The following ANKS1A variants were observed in gnomAD, a reference collection of about 807,000 sequenced individuals.
ANKS1A encodes the protein ankyrin repeat and SAM domain-containing protein 1A.
In ANKS1A, 55 loss-of-function variants were observed where a neutral mutation model predicts 120.3. The ratio of observed to expected loss-of-function variants is 0.46; its 90% CI spans 0.37 to 0.57. The LOEUF is 0.57. ANKS1A is among the 20% of genes least tolerant of loss of function. ANKS1A has a pLI of 0.00. For missense variants in ANKS1A, 1,123 were observed against 1,480.3 expected, an observed-to-expected ratio of 0.76 and a Z score of 3.96; for synonymous variants, 590 against 604.7, an observed-to-expected ratio of 0.98 and a Z score of 0.36.
intron 1 of ANKS1A, among the ~76,000 whole-genome samples, chr6:34,927,791 T>C (rs1237064621): frequency 1.3e-5 from 2 of 152,180 alleles, no homozygotes; most frequent in Admixed American, 1.3e-4. Context: ...AATGGCTGTG[T>C]AAAAAACTGG....
intron 12 of ANKS1A, among the ~76,000 whole-genome samples, chr6:35,056,748 T>C (rs981967749): frequency 6.6e-6 from 1 of 152,116 alleles, no homozygotes; most frequent in Admixed American, 6.5e-5. Flanking sequence ...AACAGGCACA[T>C]GTGGGGGACC....
chr6:34,956,153 T>C (rs1561869774), intron 1 of ANKS1A, among the ~76,000 whole-genome samples: 1 of 151,700 alleles, frequency 6.6e-6, no homozygotes, highest in Non-Finnish European at 1.5e-5. Context: ...TATTCTACTT[T>C]ATCTTCTGGA....
Position 35,086,816 on chromosome 6 carries a change from C to T in ANKS1A, c.3304-136C>T, listed in dbSNP as rs981319992. On this transcript the variant is annotated intron_variant, in intron 22 of 23. Coordinates refer to ENST00000360359, the MANE Select transcript of ANKS1A (RefSeq NM_015245.3). The surrounding 1 kb of genome is among the most constrained non-coding windows in gnomAD (Gnocchi z 5.1). The stretch of plus-strand genomic sequence containing the variant: ...TCCTCCGCCTGCCCCCAGGGGCCTG[C>T]TCTTTGGCCGAGGAGAATAAGGGCT... 1.1e-6 allele frequency: 1 copy of T among 881,306 alleles called. No individual in the cohort carries two copies. Among genetic ancestry groups the T allele is most frequent in the Non-Finnish European group, 1.8e-6 (1 of 545,114 alleles). The allele number at this position is 881,306 out of a possible 1,614,324, so 54.6% of individuals were successfully genotyped here. A position where few individuals can be genotyped will look rare whatever the true frequency, so the allele number is the denominator to read the frequency against.
intron 1 of ANKS1A, among the ~76,000 whole-genome samples, chr6:34,962,511 G>A (rs1770689850): frequency 6.6e-6 from 1 of 152,168 alleles, no homozygotes; most frequent in African/African-American, 2.4e-5. Flanking sequence ...CTCTTGGCCA[G>A]GCGCTGTGGC....
chr6:34,973,435 A>G (rs1771284400), intron 3 of ANKS1A, among the ~76,000 whole-genome samples: 1 of 152,138 alleles, frequency 6.6e-6, no homozygotes, highest in Admixed American at 6.5e-5. Flanking sequence ...TGAGCAGCAG[A>G]GCTTGTTCAT....
At chr6:35,091,574 A>AAAC (rs1228599436), downstream of ANKS1A, among the ~76,000 whole-genome samples, 1 of 149,056 alleles carries the variant, frequency 6.7e-6, no homozygotes, top group East Asian at 1.9e-4. Context: ...ACTCTCTAAC[A>AAAC]AACAGTTAGT....
At chr6:34,965,262 A>G (rs1266618380) in intron 1 of ANKS1A, among the ~76,000 whole-genome samples, 1 of 152,170 alleles carries the variant, frequency 6.6e-6, no homozygotes, top group Non-Finnish European at 1.5e-5. Context: ...CTTATTACAT[A>G]GCAATGTAAC....
At chr6:35,040,473 G>C (rs550602748) in intron 11 of ANKS1A, among the ~76,000 whole-genome samples, 9 of 152,268 alleles carry the variant, frequency 5.9e-5, no homozygotes, top group Non-Finnish European at 1.2e-4. Flanking sequence ...ACTTCTGGGG[G>C]CAAAGGAAAA....
chr6:34,963,034 G>T (rs193170002), intron 1 of ANKS1A, among the ~76,000 whole-genome samples: 1 of 151,404 alleles, frequency 6.6e-6, no homozygotes, highest in Non-Finnish European at 1.5e-5. Context: ...GCTAATTTTT[G>T]TATTTTTAGT....
intron 13 of ANKS1A, among the ~76,000 whole-genome samples, chr6:35,068,521 C>T (rs1015886844): frequency 2.6e-5 from 4 of 152,218 alleles, no homozygotes; most frequent in African/African-American, 4.8e-5. Flanking sequence ...GCTCTTCCTA[C>T]CCTCCCTACT....
At chr6:34,956,638 T>C (rs569515538) in intron 1 of ANKS1A, among the ~76,000 whole-genome samples, 1 of 152,262 alleles carries the variant, frequency 6.6e-6, no homozygotes, top group South Asian at 2.1e-4. Context: ...TCCCTCAACT[T>C]TTCTGTGTAG....
At chr6:34,946,004 A>T in intron 1 of ANKS1A, among the ~76,000 whole-genome samples, 1 of 144,882 alleles carries the variant, frequency 6.9e-6, no homozygotes, top group African/African-American at 2.5e-5. Context: ...TTTTTGAGAC[A>T]GAGTCTCACT....
At chr6:35,087,206 GGCAGC>G (rs1778039075) in intron 23 of ANKS1A, among the ~76,000 whole-genome samples, 157 bp downstream of exon 23, 2 of 151,992 alleles carry the variant, frequency 1.3e-5, no homozygotes, top group African/African-American at 2.4e-5. Context: ...TTGGGCGGGC[GGCAGC>G]GTAGACGCTG....
intron 2 of ANKS1A, among the ~76,000 whole-genome samples, chr6:34,967,578 G>T (rs1432715437): frequency 6.6e-6 from 1 of 151,430 alleles, no homozygotes; most frequent in African/African-American, 2.4e-5. Flanking sequence ...CATGCCTGAA[G>T]TCCTAGCTAC....
At chr6:34,986,623 T>A (rs1772217089) in intron 8 of ANKS1A, among the ~76,000 whole-genome samples, 1 of 152,258 alleles carries the variant, frequency 6.6e-6, no homozygotes, top group Non-Finnish European at 1.5e-5. Flanking sequence ...GCCCTGGGAA[T>A]GACCTTATGA....
At chr6:34,902,672 C>T (rs1259025120) in intron 1 of ANKS1A, among the ~76,000 whole-genome samples, 2 of 148,542 alleles carry the variant, frequency 1.3e-5, no homozygotes, top group Non-Finnish European at 3.0e-5. Flanking sequence ...AGGCCAGGTG[C>T]GGTGGCTGTA....
intron 1 of ANKS1A, among the ~76,000 whole-genome samples, chr6:34,956,017 T>G (rs1234989073): frequency 6.6e-6 from 1 of 152,048 alleles, no homozygotes; most frequent in Non-Finnish European, 1.5e-5. Flanking sequence ...AAGCGGAAGT[T>G]CAAGGAAAAT....
At chr6:34,979,902 G>A (rs571428954) in intron 3 of ANKS1A, among the ~76,000 whole-genome samples, 1 of 152,284 alleles carries the variant, frequency 6.6e-6, no homozygotes, top group African/African-American at 2.4e-5. Context: ...GTGAGTTTTT[G>A]TTAATGTAGG....
At chr6:34,940,735 C>T (rs1227965844) in intron 1 of ANKS1A, among the ~76,000 whole-genome samples, 1 of 151,696 alleles carries the variant, frequency 6.6e-6, no homozygotes, top group Non-Finnish European at 1.5e-5. Context: ...ATGATGAAAC[C>T]CCGTCTCTAC....
Sources: gnomAD v4.1 joint callset for allele counts (sites outside exome capture counted in the v4.1 genomes callset) on GRCh38, gnomAD v4.1.1 for gene constraint, Gnocchi (gnomAD v3.1) non-coding constraint, MANE v1.5 for transcripts, NCBI Gene and HGNC (gene_info 2026-07-23, HGNC 2026-07-21) for gene names.